FAM3D: variants seen among roughly 807,000 people sequenced by gnomAD.
FAM3D encodes FAM3 metabolism regulating signaling molecule D.
A neutral mutation model predicts 29.8 loss-of-function variants in FAM3D; 26 were observed. That is an observed-to-expected ratio of 0.87 (90% CI 0.64 to 1.21). FAM3D has a LOEUF of 1.21. Among genes scored for constraint, FAM3D ranks in the 50% most tolerant of loss-of-function variants. The probability of loss-of-function intolerance (pLI) is 0.00; values close to 1 mark genes in which losing one functional copy is unlikely to be tolerated. For missense variants in FAM3D, 253 were observed against 290.9 expected, an observed-to-expected ratio of 0.87 and a Z score of 0.95; for synonymous variants, 115 against 102.3, an observed-to-expected ratio of 1.12 and a Z score of -0.75.
At chr3:58,659,192 C>T (rs996946064) in intron 1 of FAM3D, among the ~76,000 whole-genome samples, 1 of 152,226 alleles carries the variant, frequency 6.6e-6, no homozygotes, top group African/African-American at 2.4e-5. Flanking sequence ...AGGGTCCACT[C>T]ATCTCTTCCC....
At chr3:58,643,417 G>A (rs1381166876) in intron 6 of FAM3D, among the ~76,000 whole-genome samples, 2 of 152,264 alleles carry the variant, frequency 1.3e-5, no homozygotes, top group Non-Finnish European at 2.9e-5. Context: ...TGTTCCATAG[G>A]AGAAGTGTGT....
In FAM3D at chr3:58,634,151, G is replaced by A. The variant is rs542066327; in HGVS notation, c.*128C>T. ...CCGAGGAGGAGAGGCGCGACACAGC[G>A]TGCAAGGACCTGCAGCACCTTCCAC... On this transcript the variant is annotated 3_prime_UTR_variant, in exon 10 of 10. Coordinates refer to ENST00000358781, the MANE Select transcript of FAM3D (RefSeq NM_138805.3). This position sits in a 1 kb window ranked among gnomAD's most constrained non-coding sequence, Gnocchi z 4.6. 9.1e-6 allele frequency: 7 copies of A among 769,650 alleles called. No homozygotes were observed. Among genetic ancestry groups the A allele is most frequent in the Middle Eastern group, 3.9e-4 (1 of 2,562 alleles). 47.7% of individuals were successfully genotyped at this position (769,650 alleles called of 1,614,324 possible). A position where few individuals can be genotyped will look rare whatever the true frequency, so the allele number is the denominator to read the frequency against.
chr3:58,640,126 C>A lies in FAM3D; in HGVS notation c.373+1G>T, dbSNP rs561985972. On this transcript the variant is annotated splice_donor_variant, in intron 7 of 9. Transcript: ENST00000358781. LOFTEE classifies it high-confidence loss of function. ...ACTTCAGTGTCAGCAGAGGCACCTA[C>A]CTCCAGAGTACATGTCAAATGCCTT... The A allele has an allele frequency of 6.2e-7, 1 of 1,614,204 alleles. No individual in the cohort carries two copies. Among genetic ancestry groups the A allele is most frequent in the East Asian group, 2.2e-5 (1 of 44,880 alleles).
In FAM3D at chr3:58,635,820, TG is replaced by T. The variant is rs1347865453; in HGVS notation, c.585+473del. 2.0e-5 allele frequency among the ~76,000 whole-genome samples: 3 copies of T among 152,220 alleles called. No homozygotes were observed. Among genetic ancestry groups the T allele is most frequent in the Non-Finnish European group, 2.9e-5 (2 of 68,036 alleles). ...AGCTCAGCACACGGTTCCCTGCACC[TG>T]CCCCCTCCAGCACCTCTTGTCTGAT... On this transcript the variant is annotated intron_variant, in intron 9 of 9. Transcript: ENST00000358781. This position sits in a 1 kb window ranked among gnomAD's most constrained non-coding sequence, Gnocchi z 5.2.
chr3:58,663,883 G>A (rs187878049), intron 1 of FAM3D, among the ~76,000 whole-genome samples: 2 of 152,308 alleles, frequency 1.3e-5, no homozygotes, highest in African/African-American at 4.8e-5. Flanking sequence ...CTGCTCACAG[G>A]GATTTCTCCA....
In FAM3D at chr3:58,635,490, C is replaced by T. The variant is rs79322354; in HGVS notation, c.585+804G>A. On this transcript the variant is annotated intron_variant, in intron 9 of 9. Transcript: ENST00000358781. This position sits in a 1 kb window ranked among gnomAD's most constrained non-coding sequence, Gnocchi z 5.2. ...TGATGCTGGGCTTCCTGTACTCCCA[C>T]GCCTCCTCTGTCTTGCCGGTTCCCC... 4.3e-3 allele frequency among the ~76,000 whole-genome samples: 655 copies of T among 152,290 alleles called. 9 individuals carry two copies. The highest frequency in any genetic ancestry group is 0.015 in the African/African-American group (616 of 41,544).
chr3:58,649,415 C>A, intron 3 of FAM3D, 77 bp from the exon 4 acceptor site: 1 of 1,550,592 alleles, frequency 6.4e-7, no homozygotes, highest in Non-Finnish European at 8.9e-7. Flanking sequence ...GGGCTGGGGG[C>A]TGGGGAGTGG....
In FAM3D at chr3:58,645,489, G is replaced by A. The variant is rs375272324; in HGVS notation, c.263+20C>T. On this transcript the variant is annotated intron_variant, in intron 5 of 9. Transcript: ENST00000358781. ...AATAAAATAAAATAAAATAAACATA[G>A]TTGTGTCTTAGGTACTTACATGCGG... The A allele has an allele frequency of 1.9e-5, 23 of 1,185,614 alleles. No homozygotes were observed. Among genetic ancestry groups the A allele is most frequent in the Non-Finnish European group, 2.8e-5 (23 of 825,720 alleles). The allele number at this position is 1,185,614 out of a possible 1,614,324, so 73.4% of individuals were successfully genotyped here.
intron 1 of FAM3D, among the ~76,000 whole-genome samples, chr3:58,659,585 G>A (rs1042572645): frequency 6.6e-6 from 1 of 152,240 alleles, no homozygotes; most frequent in African/African-American, 2.4e-5. Flanking sequence ...CACCTTGTCA[G>A]CCTTCACAGT....
In FAM3D at chr3:58,636,358, C is replaced by T; in HGVS notation, c.521G>A (p.Gly174Asp). The T allele has an allele frequency of 6.2e-7, 1 of 1,614,206 alleles. No individual in the cohort carries two copies. The highest frequency in any genetic ancestry group is 8.5e-7 in the Non-Finnish European group (1 of 1,180,036). The change falls in exon 9 of 10, where the codon GGC becomes GAC. Residue 174 changes from glycine to aspartate, a missense_variant. By Grantham distance (94) the Gly-to-Asp change is moderately conservative. Coordinates refer to ENST00000358781, the MANE Select transcript of FAM3D (RefSeq NM_138805.3). ...DLGSSYAKQLGFRDSWVFIGA... is the reference protein window; with the variant it reads ...DLGSSYAKQLDFRDSWVFIGA... ...TATGAAGACCCAGCTGTCCCGGAAG[C>T]CCAGTTGTTTTGCGTAGGAACTCCC...
chr3:58,639,523 C>T (rs2066268516), intron 7 of FAM3D, among the ~76,000 whole-genome samples: 3 of 152,318 alleles, frequency 2.0e-5, no homozygotes, highest in Non-Finnish European at 4.4e-5. Context: ...GTCCCCATCT[C>T]CTGTTGCCCC....
In FAM3D at chr3:58,665,250, C is replaced by T. The variant is rs139433416; in HGVS notation, c.-39+1326G>A. Among the ~76,000 whole-genome samples, 94 of 152,116 alleles carry T rather than the reference C, an allele frequency of 6.2e-4. 1 individual carries two copies. The highest frequency in any genetic ancestry group is 2.2e-3 in the African/African-American group (90 of 41,518). ...CCTCCCTAGCCTGTGCAGACCTGGG[C>T]GCAACAACCTCACTGACTTCACCTT... On this transcript the variant is annotated intron_variant, in intron 1 of 9. Transcript: ENST00000358781.
rs1489591096 is a variant in FAM3D, at chr3:58,634,530, C to G, written c.586-162G>C. Reference sequence around the variant, plus strand: ...GCTCAGAGAGGGGATGCAACTTGCTCAAGATCTCAGAGATGGGATCAGAGC... The same window carrying G: ...GCTCAGAGAGGGGATGCAACTTGCTGAAGATCTCAGAGATGGGATCAGAGC... On this transcript the variant is annotated intron_variant, in intron 9 of 9. Transcript: ENST00000358781. The surrounding 1 kb of genome is among the most constrained non-coding windows in gnomAD (Gnocchi z 4.6). The G allele has an allele frequency of 1.6e-6, 1 of 611,200 alleles. No homozygotes were observed. Among genetic ancestry groups the G allele is most frequent in the Non-Finnish European group, 2.8e-6 (1 of 354,508 alleles). The allele number at this position is 611,200 out of a possible 1,614,324, so 37.9% of individuals were successfully genotyped here. A position where few individuals can be genotyped will look rare whatever the true frequency, so the allele number is the denominator to read the frequency against.
Position 58,634,238 on chromosome 3 carries a change from A to T in FAM3D, c.*41T>A. 6.3e-7 allele frequency: 1 copy of T among 1,581,314 alleles called. No individual in the cohort carries two copies. The highest frequency in any genetic ancestry group is 1.3e-5 in the African/African-American group (1 of 74,116). ...GGCTCTGACTCCTAAGTCAGGCAGGAGCTTCTTCAGGCCCCTGGCTGAGGA... is the reference window on the plus strand; with the variant it reads ...GGCTCTGACTCCTAAGTCAGGCAGGTGCTTCTTCAGGCCCCTGGCTGAGGA... On this transcript the variant is annotated 3_prime_UTR_variant, in exon 10 of 10. Coordinates refer to ENST00000358781, the MANE Select transcript of FAM3D (RefSeq NM_138805.3). The surrounding 1 kb of genome is among the most constrained non-coding windows in gnomAD (Gnocchi z 4.6).
rs533607320 is a variant in FAM3D at position 58,640,482 on chromosome 3, A to G, written c.323-305T>C. ...TTAGCATTTTGACCTCAATTTTTGC[A>G]TCTGTACAATGGGTTGTGGGAACTA... On this transcript the variant is annotated intron_variant, in intron 6 of 9. Coordinates refer to ENST00000358781, the MANE Select transcript of FAM3D (RefSeq NM_138805.3). Among the ~76,000 whole-genome samples the G allele has an allele frequency of 1.5e-4, 23 of 152,346 alleles. No individual in the cohort carries two copies. The South Asian group carries it at 4.8e-3, about 32-fold the overall frequency.
intron 8 of FAM3D, 63 bp downstream of exon 8, chr3:58,637,078 C>G: frequency 7.2e-7 from 1 of 1,395,554 alleles, no homozygotes; most frequent in Non-Finnish European, 1.0e-6. Context: ...AAAGGGTGTG[C>G]AGGGTTTGAA....
intron 1 of FAM3D, among the ~76,000 whole-genome samples, chr3:58,658,590 C>A (rs569461742): frequency 5.9e-5 from 9 of 152,130 alleles, no homozygotes; most frequent in African/African-American, 2.2e-4. Context: ...TTCTGGGAAG[C>A]CTTCCCTGAC....
chr3:58,653,841 C>A lies in FAM3D; in HGVS notation c.14-60G>T, dbSNP rs890297316. The A allele has an allele frequency of 4.6e-6, 6 of 1,302,282 alleles. No homozygotes were observed. In the South Asian group the frequency reaches 7.1e-5, roughly 15 times the overall value. 80.7% of individuals were successfully genotyped at this position (1,302,282 alleles called of 1,614,324 possible). On this transcript the variant is annotated intron_variant, in intron 2 of 9. Transcript: ENST00000358781. ...GAGCCAAGACCACATTGCAAGACCACGTGTGAGTTCTTCCCAAATCCCACA... is the reference window on the plus strand; with the variant it reads ...GAGCCAAGACCACATTGCAAGACCAAGTGTGAGTTCTTCCCAAATCCCACA...
At chr3:58,655,676 G>A (rs2066774003) in intron 1 of FAM3D, 75 bp from the exon 2 acceptor site, 3 of 1,238,506 alleles carry the variant, frequency 2.4e-6, no homozygotes, top group Non-Finnish European at 3.4e-6. Context: ...TGAGGGAAAG[G>A]GACCTCTAAC....
Sources: allele counts gnomAD v4.1 joint callset (sites outside exome capture counted in the v4.1 genomes callset), GRCh38; gene constraint gnomAD v4.1.1; non-coding constraint Gnocchi (gnomAD v3.1); transcripts MANE v1.5; gene names NCBI Gene and HGNC (gene_info 2026-07-23, HGNC 2026-07-21).